LGALS9: variants seen among roughly 807,000 people sequenced by gnomAD.
The protein encoded by LGALS9 is galectin 9, also known as galectin-9.
Under a neutral mutation model 35.9 loss-of-function variants are expected in LGALS9, and 26 were observed. That is an observed-to-expected ratio of 0.72 (90% confidence interval 0.53 to 1.01). The LOEUF is 1.01. LGALS9 is among the 50% of genes least tolerant of loss of function. LGALS9 has a pLI of 0.00. For missense variants in LGALS9, 347 were observed against 445.8 expected (o/e 0.78, Z 1.99); for synonymous variants, 149 against 172.2 (o/e 0.87, Z 1.06).
chr17:27,646,789 C>T (rs758571146), intron 8 of LGALS9, among the ~76,000 whole-genome samples: 5 of 152,222 alleles, frequency 3.3e-5, no homozygotes, highest in Non-Finnish European at 7.3e-5. Flanking sequence ...AATATGAGCA[C>T]ATTGCATGTC....
chr17:27,649,224 A>C lies in LGALS9; in HGVS notation c.*242A>C. On this transcript the variant is annotated 3_prime_UTR_variant, in exon 11 of 11. Transcript: ENST00000395473. ...GGGCTCCAGCTGCTGGAATCCTACC[A>C]TCCCAGGAGGCAGGCACAGCCAGGG... 3.2e-6 allele frequency: 2 copies of C among 618,258 alleles called. No homozygotes were observed. The highest frequency in any genetic ancestry group is 5.7e-6 in the Non-Finnish European group (2 of 351,240). The allele number at this position is 618,258 out of a possible 1,614,324, so 38.3% of individuals were successfully genotyped here.
At chr17:27,639,544 G>A (rs188393707) in intron 2 of LGALS9, among the ~76,000 whole-genome samples, 1 of 152,186 alleles carries the variant, frequency 6.6e-6, no homozygotes, top group Admixed American at 6.5e-5. Flanking sequence ...TATTTCAAAT[G>A]CAATCTTCTC....
At chr17:27,646,619 C>G (rs113015485) in intron 8 of LGALS9, 31 bp downstream of exon 8, 49 of 1,613,092 alleles carry the variant, frequency 3.0e-5, no homozygotes, top group African/African-American at 2.7e-4. Context: ...GGCAGAGGTT[C>G]TGTTTGTGGT....
At chr17:27,633,580 G>A (rs113992754) in intron 1 of LGALS9, among the ~76,000 whole-genome samples, 5 of 152,336 alleles carry the variant, frequency 3.3e-5, no homozygotes, top group African/African-American at 1.2e-4. Context: ...CCACATTTTG[G>A]TTCACAGGGC....
chr17:27,642,454 C>T, intron 4 of LGALS9, 106 bp downstream of exon 4: 2 of 1,509,684 alleles, frequency 1.3e-6, no homozygotes, highest in Non-Finnish European at 8.9e-7. Flanking sequence ...CTACCCAGGT[C>T]ACTCTGGGGA....
At chr17:27,640,439 A>G (rs1226520147) in intron 2 of LGALS9, 133 bp from the exon 3 acceptor site, 14 of 1,337,616 alleles carry the variant, frequency 1.0e-5, no homozygotes, top group Non-Finnish European at 1.4e-5. Flanking sequence ...AACGATGCCA[A>G]CAAAGCAGTC....
rs557875989 is a variant in LGALS9, at chr17:27,643,750, G to A, written c.540+130G>A. 6.1e-5 allele frequency: 86 copies of A among 1,406,856 alleles called. 2 individuals carry two copies. In the East Asian group the frequency reaches 1.9e-3, roughly 31 times the overall value. The allele number at this position is 1,406,856 out of a possible 1,614,324, so 87.1% of individuals were successfully genotyped here. On this transcript the variant is annotated intron_variant, in intron 5 of 10. Transcript: ENST00000395473. ...CATCTTGCCCACCCAAGAGTTCCCT[G>A]TCTCTGTCCGCTGGGCACCCAGAGC... is the stretch of plus-strand genomic sequence containing the variant.
intron 1 of LGALS9, among the ~76,000 whole-genome samples, chr17:27,633,950 C>A (rs1156900628): frequency 6.6e-6 from 1 of 152,238 alleles, no homozygotes; most frequent in Admixed American, 6.5e-5. Flanking sequence ...CAAGCCCAGT[C>A]CCGTGGGACC....
Position 27,637,375 on chromosome 17 carries a change from G to A in LGALS9, c.40-888G>A, listed in dbSNP as rs1191529417. On this transcript the variant is annotated intron_variant, in intron 1 of 10. Transcript: ENST00000395473. The stretch of plus-strand genomic sequence containing the variant: ...TGAGGAAACTGAGGCACAGAGAGGT[G>A]AAATAGGCTTCCCAAGGTCACTCAG... Among the ~76,000 whole-genome samples the A allele has an allele frequency of 1.3e-5, 2 of 152,220 alleles. 1 individual carries two copies. The highest frequency in any genetic ancestry group is 2.9e-5 in the Non-Finnish European group (2 of 68,040).
In LGALS9 at chr17:27,645,912, G is replaced by T; in HGVS notation, c.627+1G>T. On this transcript the variant is annotated splice_donor_variant, in intron 7 of 10. Coordinates refer to ENST00000395473, the MANE Select transcript of LGALS9 (RefSeq NM_009587.3). LOFTEE classifies it high-confidence loss of function. ...GAGCGCCCCTGGACAGATGTTCTCT[G>T]TAAGTCTACAAGTTCTGGTCAGTTC... 2 of 1,601,330 alleles carry T rather than the reference G, an allele frequency of 1.2e-6. No individual in the cohort carries two copies. The highest frequency in any genetic ancestry group is 8.5e-7 in the Non-Finnish European group (1 of 1,169,682).
In LGALS9 at chr17:27,632,784, C is replaced by T. The variant is rs1316293824; in HGVS notation, c.39+1480C>T. Among the ~76,000 whole-genome samples, 4 of 152,232 alleles carry T rather than the reference C, an allele frequency of 2.6e-5. No homozygotes were observed. The East Asian group carries it at 7.7e-4, about 29-fold the overall frequency. ...GTCCAGACAAGAAAGATGATCAGTG[C>T]AGCCCCTATGGGTGTCCAGAGTACC... On this transcript the variant is annotated intron_variant, in intron 1 of 10. Transcript: ENST00000395473.
intron 2 of LGALS9, among the ~76,000 whole-genome samples, chr17:27,640,037 A>ATT (rs11331233): frequency 6.7e-6 from 1 of 148,660 alleles, no homozygotes; most frequent in Non-Finnish European, 1.5e-5. Flanking sequence ...TGCCCAGCCA[A>ATT]TTTTTTTTTT....
rs1050079774 is a variant in LGALS9, at chr17:27,649,269, T to C, written c.*287T>C. On this transcript the variant is annotated 3_prime_UTR_variant, in exon 11 of 11. Transcript: ENST00000395473. ...CCAGGGAGAGGGGAGGAGTGGGCAG[T>C]GAAGATGAAGCCCCATGCTCAGTCC... 1 of 519,794 alleles carries C rather than the reference T, an allele frequency of 1.9e-6. No homozygotes were observed. 32.2% of individuals were successfully genotyped at this position (519,794 alleles called of 1,614,324 possible).
intron 8 of LGALS9, 107 bp from the exon 9 acceptor site, chr17:27,646,923 A>G (rs1904989914): frequency 2.0e-6 from 3 of 1,521,926 alleles, no homozygotes; most frequent in Admixed American, 1.8e-5. Flanking sequence ...TATGGAACCA[A>G]GTAAAGATAT....
Position 27,643,506 on chromosome 17 carries a change from G to T in LGALS9, c.445-19G>T, listed in dbSNP as rs1841992595. 3.7e-6 allele frequency: 6 copies of T among 1,611,552 alleles called. No homozygotes were observed. Among genetic ancestry groups the T allele is most frequent in the Non-Finnish European group, 5.1e-6 (6 of 1,179,624 alleles). On this transcript the variant is annotated intron_variant, in intron 4 of 10. Coordinates refer to ENST00000395473, the MANE Select transcript of LGALS9 (RefSeq NM_009587.3). ...TATTAATGCTTCTCCTCACTGCCCG[G>T]TGCCTTTTGTTTTAACAGAACCCCC...
In LGALS9 at chr17:27,647,365, A is replaced by G; in HGVS notation, c.854A>G (p.Asn285Ser). The change falls in exon 10 of 11, where the codon AAC becomes AGC. Residue 285 changes from asparagine to serine, a missense_variant. Physicochemically the swap from Asn to Ser is conservative, Grantham distance 46. Coordinates refer to ENST00000395473, the MANE Select transcript of LGALS9 (RefSeq NM_009587.3). ...NAVVRNTQID[N>S]SWGSEERSLP... is the part of the protein sequence containing the mutation. ...GTGGTCCGCAACACCCAGATCGACAACTCCTGGGGGTCTGAGGAGCGAAGT... is the reference window on the plus strand; with the variant it reads ...GTGGTCCGCAACACCCAGATCGACAGCTCCTGGGGGTCTGAGGAGCGAAGT... The G allele has an allele frequency of 6.2e-7, 1 of 1,613,922 alleles. No homozygotes were observed. The highest frequency in any genetic ancestry group is 8.5e-7 in the Non-Finnish European group (1 of 1,179,970).
At chr17:27,631,672 T>C (rs1454499677) in intron 1 of LGALS9, among the ~76,000 whole-genome samples, 1 of 152,156 alleles carries the variant, frequency 6.6e-6, no homozygotes, top group Non-Finnish European at 1.5e-5. Flanking sequence ...GGGTGCTTAC[T>C]GTGAAGGTGG....
chr17:27,646,430 A>C, intron 7 of LGALS9, 117 bp from the exon 8 acceptor site: 6 of 1,515,856 alleles, frequency 4.0e-6, no homozygotes, highest in Non-Finnish European at 5.5e-6. Flanking sequence ...CCAAGGGCCA[A>C]AGGCTCACGA....
intron 3 of LGALS9, chr17:27,641,097 C>T (rs1010932724): frequency 2.5e-5 from 13 of 521,740 alleles, no homozygotes; most frequent in Admixed American, 2.2e-4. Context: ...CTCCAGGTCA[C>T]TGGTAACATT....
Sources: gnomAD v4.1 joint callset for allele counts (sites outside exome capture counted in the v4.1 genomes callset) on GRCh38, gnomAD v4.1.1 for gene constraint, MANE v1.5 for transcripts, NCBI Gene and HGNC (gene_info 2026-07-23, HGNC 2026-07-21) for gene names.